Variants in PLEKHM3 observed in about 807,000 individuals in gnomAD.
PLEKHM3 encodes the protein pleckstrin homology domain-containing family M member 3.
Under a neutral mutation model 81.8 loss-of-function variants are expected in PLEKHM3, and 45 were observed. The ratio of observed to expected loss-of-function variants is 0.55; its 90% CI spans 0.43 to 0.71. The LOEUF is 0.71. Ranked by LOEUF, PLEKHM3 falls within the 30% of genes least tolerant of loss-of-function variation. PLEKHM3 has a pLI of 0.00. For missense variants in PLEKHM3, 788 were observed against 924.3 expected (o/e 0.85, Z 1.91); for synonymous variants, 352 against 356.4 (o/e 0.99, Z 0.14).
chr2:207,953,138 G>A (rs1197463359), intron 3 of PLEKHM3, among the ~76,000 whole-genome samples: 4 of 142,040 alleles, frequency 2.8e-5, no homozygotes, highest in Non-Finnish European at 4.7e-5. Flanking sequence ...AATCAATTGC[G>A]TGCCACGTGT....
intron 2 of PLEKHM3, among the ~76,000 whole-genome samples, chr2:207,992,493 G>A (rs1032174715): frequency 1.3e-5 from 2 of 152,150 alleles, no homozygotes; most frequent in Non-Finnish European, 2.9e-5. Flanking sequence ...AAAGGAAAGA[G>A]TAGCCCCTTC....
chr2:208,000,820 G>A (rs1254267008), intron 2 of PLEKHM3, among the ~76,000 whole-genome samples: 1 of 152,044 alleles, frequency 6.6e-6, no homozygotes. Flanking sequence ...AGACTGTAAA[G>A]TACACAAGAA....
At chr2:207,895,471 C>T (rs1438498480) in intron 6 of PLEKHM3, among the ~76,000 whole-genome samples, 2 of 152,258 alleles carry the variant, frequency 1.3e-5, no homozygotes, top group Non-Finnish European at 2.9e-5. Flanking sequence ...TACTTTCTCT[C>T]TGTGCCCTTG....
chr2:207,926,288 T>C (rs1274461074), intron 5 of PLEKHM3, among the ~76,000 whole-genome samples: 1 of 152,188 alleles, frequency 6.6e-6, no homozygotes, highest in Non-Finnish European at 1.5e-5. Flanking sequence ...AACTCCTGAT[T>C]TTTTTAAAGT....
chr2:207,830,300 T>C (rs979161649), intron 7 of PLEKHM3, among the ~76,000 whole-genome samples: 3 of 152,026 alleles, frequency 2.0e-5, no homozygotes, highest in African/African-American at 7.2e-5. Flanking sequence ...GGAGATACCA[T>C]GCTTAGGAGG....
intron 6 of PLEKHM3, among the ~76,000 whole-genome samples, chr2:207,896,445 T>C (rs962737840): frequency 1.3e-5 from 2 of 152,190 alleles, no homozygotes; most frequent in Non-Finnish European, 2.9e-5. Flanking sequence ...AATCCATTTT[T>C]TAAAAAGAAA....
intron 3 of PLEKHM3, among the ~76,000 whole-genome samples, chr2:207,971,957 C>T (rs773732891): frequency 3.3e-5 from 5 of 152,218 alleles, no homozygotes; most frequent in African/African-American, 4.8e-5. Context: ...TGCAATTTCA[C>T]ATAGTTCTAC....
intron 7 of PLEKHM3, 89 bp downstream of exon 7, chr2:207,861,016 C>T (rs2092464394): frequency 7.0e-7 from 1 of 1,423,248 alleles, no homozygotes; most frequent in South Asian, 1.3e-5. Flanking sequence ...CAGAGATACA[C>T]TACTTGACTA....
chr2:207,902,197 C>A (rs1415858207), intron 6 of PLEKHM3, among the ~76,000 whole-genome samples: 3 of 152,186 alleles, frequency 2.0e-5, no homozygotes, highest in African/African-American at 7.2e-5. Flanking sequence ...TCACCTGTTA[C>A]TTCTTTGGTG....
intron 3 of PLEKHM3, among the ~76,000 whole-genome samples, chr2:207,961,890 G>A (rs938942651): frequency 6.6e-6 from 1 of 152,122 alleles, no homozygotes; most frequent in African/African-American, 2.4e-5. Flanking sequence ...TCATTCTGTG[G>A]GGGGAAATTA....
At chr2:207,998,551 A>T (rs1225393500) in intron 2 of PLEKHM3, among the ~76,000 whole-genome samples, 1 of 152,190 alleles carries the variant, frequency 6.6e-6, no homozygotes, top group Non-Finnish European at 1.5e-5. Context: ...GGTGGTCAGA[A>T]TATATTATAG....
At chr2:207,930,801 G>T in intron 5 of PLEKHM3, 125 bp downstream of exon 5, 1 of 1,040,450 alleles carries the variant, frequency 9.6e-7, no homozygotes, top group Non-Finnish European at 1.4e-6. Flanking sequence ...CAGTGGAGAG[G>T]CGGAGGGCGA....
intron 6 of PLEKHM3, among the ~76,000 whole-genome samples, chr2:207,903,378 G>C (rs974820264): frequency 3.3e-5 from 5 of 151,964 alleles, no homozygotes; most frequent in African/African-American, 1.2e-4. Flanking sequence ...AGGGAGTAGC[G>C]GGGAGGGCCT....
rs752976462 is a variant in PLEKHM3 at position 207,948,349 on chromosome 2, C to CTTTTTTT, written c.1547-1844_1547-1838dup. Among the ~76,000 whole-genome samples, 30 of 81,066 alleles carry CTTTTTTT rather than the reference C, an allele frequency of 3.7e-4. 1 individual carries two copies. Among genetic ancestry groups the CTTTTTTT allele is most frequent in the Non-Finnish European group, 4.0e-4 (18 of 45,566 alleles). The allele number at this position is 81,066 out of a possible 152,430, so 53.2% of individuals were successfully genotyped here. On this transcript the variant is annotated intron_variant, in intron 3 of 7. Coordinates refer to ENST00000427836, the MANE Select transcript of PLEKHM3 (RefSeq NM_001080475.3). ...GGACCACACTAGAAACTCCTCAGAT[C>CTTTTTTT]TTTTTTTTTTTTTTTTTTTTTTTTG...
intron 1 of PLEKHM3, among the ~76,000 whole-genome samples, chr2:208,020,372 T>A (rs958614519): frequency 8.5e-5 from 13 of 152,234 alleles, no homozygotes; most frequent in Admixed American, 1.3e-4. Flanking sequence ...ATGCCTGACA[T>A]CTTAATGCAA....
Position 207,946,500 on chromosome 2 carries a change from G to T in PLEKHM3, c.1559C>A (p.Ser520Tyr). The change falls in exon 4 of 8, where the codon TCC becomes TAC. Residue 520 changes from serine to tyrosine, a missense_variant. By Grantham distance (144) the Ser-to-Tyr change is moderately radical. Coordinates refer to ENST00000427836, the MANE Select transcript of PLEKHM3 (RefSeq NM_001080475.3). ...QSFKCAGCQR[S>Y]IGLSNGKAKV... ...GGCTTTCCCATTGGAAAGACCTATG[G>T]ATCGCTGGCAGCCTGTTCAAGGAAA... The T allele has an allele frequency of 3.1e-6, 5 of 1,613,984 alleles. No individual in the cohort carries two copies. The highest frequency in any genetic ancestry group is 4.2e-6 in the Non-Finnish European group (5 of 1,179,926).
At chr2:207,915,320 A>C (rs1347247100) in intron 5 of PLEKHM3, among the ~76,000 whole-genome samples, 1 of 152,202 alleles carries the variant, frequency 6.6e-6, no homozygotes, top group Non-Finnish European at 1.5e-5. Flanking sequence ...CTATGAAATC[A>C]AAGGCAGTAG....
At chr2:207,907,976 A>G (rs1473407046) in intron 6 of PLEKHM3, among the ~76,000 whole-genome samples, 3 of 152,212 alleles carry the variant, frequency 2.0e-5, no homozygotes, top group Non-Finnish European at 4.4e-5. Context: ...TTTACTTAGC[A>G]TAGTGTTTTC....
chr2:207,958,863 T>C (rs1268236907), intron 3 of PLEKHM3, among the ~76,000 whole-genome samples: 3 of 152,192 alleles, frequency 2.0e-5, no homozygotes, highest in East Asian at 1.9e-4. Context: ...TGAGCTGAGA[T>C]TGCACCACTG....
Sources: gnomAD v4.1 joint callset for allele counts (sites outside exome capture counted in the v4.1 genomes callset) on GRCh38, gnomAD v4.1.1 for gene constraint, MANE v1.5 for transcripts, NCBI Gene and HGNC (gene_info 2026-07-23, HGNC 2026-07-21) for gene names.